Variants in SYNPR observed in about 807,000 individuals in gnomAD.
The protein encoded by SYNPR is synaptoporin.
SYNPR carries 23 observed loss-of-function variants against 32.9 expected under a neutral mutation model. The ratio of observed to expected loss-of-function variants is 0.70; its 90% CI spans 0.50 to 0.99. The LOEUF (loss-of-function observed/expected upper bound fraction) is 0.99, where lower values mean the gene tolerates loss of function less well. Ranked by LOEUF, SYNPR falls within the 50% of genes least tolerant of loss-of-function variation. The pLI is 0.00. For missense variants in SYNPR, 318 were observed against 349.3 expected (o/e 0.91, Z 0.71); for synonymous variants, 146 against 135.9 (o/e 1.07, Z -0.52).
chr3:63,419,092 TCAAA>T (rs1338123070), intron 2 of SYNPR, among the ~76,000 whole-genome samples: 10 of 152,216 alleles, frequency 6.6e-5, no homozygotes, highest in Admixed American at 6.5e-4. Flanking sequence ...GTCTCACTTG[TCAAA>T]CAAACTCTTA....
chr3:63,480,359 G>A (rs542125653), intron 2 of SYNPR, among the ~76,000 whole-genome samples: 3 of 152,232 alleles, frequency 2.0e-5, no homozygotes, highest in South Asian at 4.1e-4. Flanking sequence ...AGAATTCTCC[G>A]ACCATGACTT....
At chr3:63,508,650 A>G (rs73831871) in intron 3 of SYNPR, among the ~76,000 whole-genome samples, 8,970 of 152,168 alleles carry the variant, frequency 0.059, 438 homozygotes, top group East Asian at 0.18. Context: ...AAGTAATATG[A>G]CTGGCCTGGT....
intron 2 of SYNPR, among the ~76,000 whole-genome samples, chr3:63,466,983 T>C (rs1437787365): frequency 6.6e-6 from 1 of 152,170 alleles, no homozygotes. Context: ...CATTATTAGC[T>C]GAATACTTTT....
chr3:63,587,226 T>C (rs563407001), intron 4 of SYNPR, among the ~76,000 whole-genome samples: 1 of 152,234 alleles, frequency 6.6e-6, no homozygotes, highest in African/African-American at 2.4e-5. Context: ...GTCTTCACCA[T>C]CATCATCACG....
chr3:63,598,874 A>C lies in SYNPR; in HGVS notation c.409-10251A>C, dbSNP rs76106848. Reference sequence around the variant, plus strand: ...TTAAAAATGTGTCTTCCATATCCACACTATCTCTTTTAGACTGACAGGGAT... The same window carrying C: ...TTAAAAATGTGTCTTCCATATCCACCCTATCTCTTTTAGACTGACAGGGAT... On this transcript the variant is annotated intron_variant, in intron 4 of 5. Coordinates refer to ENST00000478300, the MANE Select transcript of SYNPR (RefSeq NM_001130003.2). Among the ~76,000 whole-genome samples the C allele has an allele frequency of 4.9e-4, 75 of 152,298 alleles. No homozygotes were observed. The East Asian group carries it at 0.013, about 25-fold the overall frequency.
At chr3:63,352,694 A>G (rs1017114204) in intron 2 of SYNPR, among the ~76,000 whole-genome samples, 6 of 152,200 alleles carry the variant, frequency 3.9e-5, no homozygotes, top group African/African-American at 1.4e-4. Context: ...TGGGTAATCT[A>G]TAAAGGAAAG....
chr3:63,569,264 T>G (rs980294598), intron 4 of SYNPR, among the ~76,000 whole-genome samples: 1 of 152,202 alleles, frequency 6.6e-6, no homozygotes, highest in Admixed American at 6.5e-5. Context: ...TTAAATTATT[T>G]CCTTAAGATA....
chr3:63,596,612 G>A (rs1450959689), intron 4 of SYNPR, among the ~76,000 whole-genome samples: 1 of 152,090 alleles, frequency 6.6e-6, no homozygotes, highest in African/African-American at 2.4e-5. Flanking sequence ...TTTGCTTTCA[G>A]ACCAGACCAC....
chr3:63,557,253 C>A (rs1336962691), intron 4 of SYNPR, among the ~76,000 whole-genome samples: 2 of 152,076 alleles, frequency 1.3e-5, no homozygotes, highest in Non-Finnish European at 2.9e-5. Context: ...CACACATACA[C>A]CTAGGGGGAC....
chr3:63,275,668 G>A (rs1241129985), upstream of SYNPR, among the ~76,000 whole-genome samples: 2 of 152,146 alleles, frequency 1.3e-5, no homozygotes, highest in Non-Finnish European at 2.9e-5. Flanking sequence ...ATGACCTTAG[G>A]CATGTTACAT....
chr3:63,358,536 G>T (rs548225806), intron 2 of SYNPR, among the ~76,000 whole-genome samples: 1 of 152,096 alleles, frequency 6.6e-6, no homozygotes, highest in East Asian at 1.9e-4. Context: ...ACTCAGTTTT[G>T]CCATGTAAGG....
intron 2 of SYNPR, among the ~76,000 whole-genome samples, chr3:63,364,976 G>A (rs1188430767): frequency 6.6e-6 from 1 of 152,128 alleles, no homozygotes; most frequent in Non-Finnish European, 1.5e-5. Flanking sequence ...TTAATAAATG[G>A]CATTAAGAAT....
chr3:63,257,570 A>C (rs1314398501), intron 2 of SYNPR, among the ~76,000 whole-genome samples: 1 of 152,314 alleles, frequency 6.6e-6, no homozygotes, highest in South Asian at 2.1e-4. Context: ...TGAAGGAAGC[A>C]CTAAACATGG....
At chr3:63,557,018 T>C (rs1392873261) in intron 4 of SYNPR, among the ~76,000 whole-genome samples, 1 of 152,218 alleles carries the variant, frequency 6.6e-6, no homozygotes, top group South Asian at 2.1e-4. Context: ...TGAAGCTTGC[T>C]GTAGATTTAT....
Position 63,591,298 on chromosome 3 carries a change from C to A in SYNPR, c.409-17827C>A, listed in dbSNP as rs989636249. On this transcript the variant is annotated intron_variant, in intron 4 of 5. Transcript: ENST00000478300. The stretch of plus-strand genomic sequence containing the variant: ...GTTAGAATGGCGATCATTAAAAAGT[C>A]AGGAAACAACAGGTGCTGGAGAGGA... Among the ~76,000 whole-genome samples, 1,049 of 122,696 alleles carry A rather than the reference C, an allele frequency of 8.5e-3. 45 individuals carry two copies. Among genetic ancestry groups the A allele is most frequent in the African/African-American group, 0.032 (978 of 30,778 alleles). 80.5% of individuals were successfully genotyped at this position (122,696 alleles called of 152,430 possible). A position where few individuals can be genotyped will look rare whatever the true frequency, so the allele number is the denominator to read the frequency against.
intron 3 of SYNPR, among the ~76,000 whole-genome samples, chr3:63,490,814 G>A (rs1701244804): frequency 6.6e-6 from 1 of 152,114 alleles, no homozygotes; most frequent in Non-Finnish European, 1.5e-5. Context: ...CCAGGCTGGA[G>A]AGCAGTGGTG....
rs866776419 is a variant in SYNPR, at chr3:63,595,800, G to A, written c.409-13325G>A. Reference sequence around the variant, plus strand: ...ATATATATATAGTTATATATATATAGTTATATATATATATAGTTTTATATA... The same window carrying A: ...ATATATATATAGTTATATATATATAATTATATATATATATAGTTTTATATA... On this transcript the variant is annotated intron_variant, in intron 4 of 5. Transcript: ENST00000478300. Among the ~76,000 whole-genome samples, 194 of 25,756 alleles carry A rather than the reference G, an allele frequency of 7.5e-3. 18 individuals are homozygous for A. Among genetic ancestry groups the A allele is most frequent in the African/African-American group, 0.032 (169 of 5,228 alleles). 16.9% of individuals were successfully genotyped at this position (25,756 alleles called of 152,430 possible). A position where few individuals can be genotyped will look rare whatever the true frequency, so the allele number is the denominator to read the frequency against.
intron 2 of SYNPR, among the ~76,000 whole-genome samples, chr3:63,402,653 G>A (rs1305844086): frequency 6.6e-6 from 1 of 152,152 alleles, no homozygotes; most frequent in Non-Finnish European, 1.5e-5. Flanking sequence ...TTCACTGAAG[G>A]AGAGGAAAAG....
At chr3:63,282,068 C>A (rs1397973789) in intron 2 of SYNPR, among the ~76,000 whole-genome samples, 1 of 152,150 alleles carries the variant, frequency 6.6e-6, no homozygotes, top group Non-Finnish European at 1.5e-5. Context: ...ATTTCTAATT[C>A]TAATATTCAG....
Sources: gnomAD v4.1 joint callset for allele counts (sites outside exome capture counted in the v4.1 genomes callset) on GRCh38, gnomAD v4.1.1 for gene constraint, MANE v1.5 for transcripts, NCBI Gene and HGNC (gene_info 2026-07-23, HGNC 2026-07-21) for gene names.